CNTLN: variants seen among roughly 807,000 people sequenced by gnomAD.
CNTLN encodes the protein centlein, centrosomal protein.
A neutral mutation model predicts 180.0 loss-of-function variants in CNTLN; 212 were observed. The observed-to-expected ratio is 1.18, with a 90% CI of 1.05 to 1.32. CNTLN has a LOEUF of 1.32. Among genes scored for constraint, CNTLN ranks in the 40% most tolerant of loss-of-function variants. The pLI is 0.00. For missense variants in CNTLN, 2,095 were observed against 1,610.9 expected (o/e 1.30, Z -5.14); for synonymous variants, 722 against 563.1 (o/e 1.28, Z -3.99).
At chr9:17,331,191 T>C (rs1286791509) in intron 9 of CNTLN, among the ~76,000 whole-genome samples, 1 of 151,922 alleles carries the variant, frequency 6.6e-6, no homozygotes, top group African/African-American at 2.4e-5. Flanking sequence ...ATATATCTAA[T>C]ATGTCTTTCA....
chr9:17,375,147 T>A (rs1046096799), intron 13 of CNTLN, among the ~76,000 whole-genome samples: 1 of 152,158 alleles, frequency 6.6e-6, no homozygotes, highest in Non-Finnish European at 1.5e-5. Context: ...GGTCATTGTG[T>A]TAAGTGAAAT....
chr9:17,221,027 A>G (rs1824097848), intron 2 of CNTLN, among the ~76,000 whole-genome samples: 2 of 152,238 alleles, frequency 1.3e-5, no homozygotes, highest in South Asian at 4.1e-4. Context: ...TTACAAAGGA[A>G]CTATCTGACT....
chr9:17,453,049 T>C (rs1830879800), intron 18 of CNTLN, among the ~76,000 whole-genome samples: 1 of 152,140 alleles, frequency 6.6e-6, no homozygotes, highest in African/African-American at 2.4e-5. Context: ...CAGTCGCTCA[T>C]GACTATAATC....
At chr9:17,372,169 C>G (rs1379689521) in intron 13 of CNTLN, among the ~76,000 whole-genome samples, 1 of 151,848 alleles carries the variant, frequency 6.6e-6, no homozygotes. Flanking sequence ...ATCATTAAAA[C>G]AAAAAATTGG....
rs751145919 is a variant in CNTLN, at chr9:17,466,742, G to C, written c.3706G>C (p.Glu1236Gln). The C allele has an allele frequency of 7.5e-6, 12 of 1,610,298 alleles. No individual in the cohort carries two copies. Among genetic ancestry groups the C allele is most frequent in the South Asian group, 6.6e-5 (6 of 90,902 alleles). ...TACTCTCCTAGTATCAAGAATAAGT[G>C]AGACTGAATCTGCAATGGCAGAAAT... ...KLTLLVSRIS[E>Q]TESAMAEIET... is the part of the protein sequence containing the mutation. Residue 1236 changes from glutamate (E) to glutamine (Q), a missense_variant, in exon 23 of 26, where the codon GAG (glutamate) becomes CAG (glutamine). Glu to Gln is a conservative substitution (Grantham distance 29). Transcript: ENST00000380647.
intron 25 of CNTLN, among the ~76,000 whole-genome samples, chr9:17,500,679 T>C (rs776603603): frequency 6.6e-6 from 1 of 152,226 alleles, no homozygotes; most frequent in Non-Finnish European, 1.5e-5. Flanking sequence ...ATGTATTTGA[T>C]TAGAGAACAA....
chr9:17,526,962 C>G, the CNTLN span, among the ~76,000 whole-genome samples: 1 of 151,164 alleles, frequency 6.6e-6, no homozygotes, highest in African/African-American at 2.5e-5. Flanking sequence ...ACTGCAACTT[C>G]CGCCTCCTGG....
chr9:17,333,675 T>C (rs1203807757), intron 10 of CNTLN, among the ~76,000 whole-genome samples: 2 of 152,218 alleles, frequency 1.3e-5, no homozygotes, highest in African/African-American at 4.8e-5. Context: ...CATTAAGTTT[T>C]AGTTTATGTT....
At chr9:17,206,014 C>T (rs1422606290) in intron 2 of CNTLN, among the ~76,000 whole-genome samples, 1 of 143,322 alleles carries the variant, frequency 7.0e-6, no homozygotes, top group Non-Finnish European at 1.5e-5. Context: ...GTACATGGGT[C>T]ATTATGTCTG....
At chr9:17,498,818 G>C (rs1833591750) in intron 25 of CNTLN, among the ~76,000 whole-genome samples, 2 of 152,218 alleles carry the variant, frequency 1.3e-5, no homozygotes, top group African/African-American at 4.8e-5. Context: ...TGTTGTTTCA[G>C]ATGTATTTGA....
At chr9:17,263,090 G>T (rs1042553578) in intron 5 of CNTLN, among the ~76,000 whole-genome samples, 3 of 150,436 alleles carry the variant, frequency 2.0e-5, no homozygotes, top group Admixed American at 6.6e-5. Flanking sequence ...TGTGCACAAC[G>T]TGCAGGTTTG....
chr9:17,519,829 A>G, the CNTLN span, among the ~76,000 whole-genome samples: 6 of 152,198 alleles, frequency 3.9e-5, no homozygotes, highest in African/African-American at 1.4e-4. Flanking sequence ...TGTCAGCGGA[A>G]TGCATTAGGT....
intron 12 of CNTLN, among the ~76,000 whole-genome samples, chr9:17,349,779 G>A (rs1164753578): frequency 6.6e-6 from 1 of 152,168 alleles, no homozygotes; most frequent in African/African-American, 2.4e-5. Flanking sequence ...AAATTGGCTG[G>A]TTCCTTCAGT....
chr9:17,148,737 A>G (rs1269130109), intron 2 of CNTLN, among the ~76,000 whole-genome samples: 2 of 152,338 alleles, frequency 1.3e-5, no homozygotes, highest in South Asian at 2.1e-4. Context: ...TCAGTTGGAA[A>G]CATGTGGGTT....
At chr9:17,285,615 C>A (rs1828935401) in intron 6 of CNTLN, among the ~76,000 whole-genome samples, 1 of 116,570 alleles carries the variant, frequency 8.6e-6, no homozygotes, top group Non-Finnish European at 1.7e-5. Context: ...GTTTACAGTC[C>A]CACCAACAGT....
rs113181756 is a variant in CNTLN at position 17,304,232 on chromosome 9, G to C, written c.1147-4826G>C. Among the ~76,000 whole-genome samples, 458 of 152,190 alleles carry C rather than the reference G, an allele frequency of 3.0e-3. 4 individuals carry two copies. Among genetic ancestry groups the C allele is most frequent in the African/African-American group, 0.01 (434 of 41,560 alleles). The stretch of plus-strand genomic sequence containing the variant: ...AACAAATCATCAGTCTCATATACAA[G>C]TCTACCAGTCATATAGTGTGGAAGG... On this transcript the variant is annotated intron_variant, in intron 7 of 25. Coordinates refer to ENST00000380647, the MANE Select transcript of CNTLN (RefSeq NM_017738.4).
intron 16 of CNTLN, among the ~76,000 whole-genome samples, chr9:17,410,521 G>C: frequency 6.6e-6 from 1 of 152,066 alleles, no homozygotes; most frequent in African/African-American, 2.4e-5. Flanking sequence ...GTCTTCTGAA[G>C]AATATAACAT....
At chr9:17,255,925 A>G (rs1379563425) in intron 5 of CNTLN, among the ~76,000 whole-genome samples, 1 of 151,858 alleles carries the variant, frequency 6.6e-6, no homozygotes, top group Non-Finnish European at 1.5e-5. Flanking sequence ...GGATTATCCA[A>G]TGTGTTAGAA....
At chr9:17,512,155 T>G in the CNTLN span, among the ~76,000 whole-genome samples, 1 of 152,112 alleles carries the variant, frequency 6.6e-6, no homozygotes, top group Non-Finnish European at 1.5e-5. Context: ...CTAAGTCCAT[T>G]CTATAGACCT....
Sources: allele counts gnomAD v4.1 joint callset (sites outside exome capture counted in the v4.1 genomes callset), GRCh38; gene constraint gnomAD v4.1.1; transcripts MANE v1.5; gene names NCBI Gene and HGNC (gene_info 2026-07-23, HGNC 2026-07-21).